TPST1: variants seen among roughly 807,000 people sequenced by gnomAD.
TPST1 encodes protein-tyrosine sulfotransferase 1.
Under a neutral mutation model 34.8 loss-of-function variants are expected in TPST1, and 20 were observed. The observed-to-expected ratio is 0.57, with a 90% CI of 0.40 to 0.84. TPST1 has a LOEUF of 0.84. Among genes scored for constraint, TPST1 ranks in the 40% least tolerant of loss-of-function variants. TPST1 has a pLI of 0.00. For synonymous variants in TPST1, 152 were observed against 159.4 expected, an observed-to-expected ratio of 0.95 and a Z score of 0.35; for missense variants, 353 against 455.5, an observed-to-expected ratio of 0.78 and a Z score of 2.05.
At chr7:66,255,670 AAAACTATTTTCACAATGGTACT>A (rs1365163384) in intron 2 of TPST1, among the ~76,000 whole-genome samples, 1 of 152,256 alleles carries the variant, frequency 6.6e-6, no homozygotes, top group Non-Finnish European at 1.5e-5. Flanking sequence ...CTCCAAGGCT[AAAACTATTTTCACAATGGTACT>A]AAGATGTTAT....
chr7:66,320,245 C>CTTTTTTTTTTTTTTTT (rs569746911), intron 3 of TPST1, among the ~76,000 whole-genome samples: 6 of 126,388 alleles, frequency 4.7e-5, no homozygotes, highest in East Asian at 2.3e-4. Flanking sequence ...TTTTCTTTTT[C>CTTTTTTTTTTTTTTTT]TTTTTTTTTT....
At chr7:66,265,047 G>A (rs1210439642) in intron 2 of TPST1, among the ~76,000 whole-genome samples, 1 of 152,058 alleles carries the variant, frequency 6.6e-6, no homozygotes, top group East Asian at 1.9e-4. Flanking sequence ...TTGCTTCTAG[G>A]GCCCATCAGG....
intron 3 of TPST1, among the ~76,000 whole-genome samples, chr7:66,303,766 A>G (rs967148189): frequency 1.3e-5 from 2 of 152,238 alleles, no homozygotes; most frequent in African/African-American, 4.8e-5. Context: ...GGACAAAGAT[A>G]TCATTTGCAT....
chr7:66,350,100 G>A (rs559234288), intron 3 of TPST1, among the ~76,000 whole-genome samples: 4 of 152,184 alleles, frequency 2.6e-5, no homozygotes, highest in Admixed American at 6.5e-5. Flanking sequence ...TGCAGCCTCC[G>A]CCTCCCAGGT....
intron 3 of TPST1, among the ~76,000 whole-genome samples, chr7:66,336,453 A>G (rs1792123808): frequency 6.6e-6 from 1 of 152,198 alleles, no homozygotes; most frequent in Admixed American, 6.5e-5. Flanking sequence ...TCTATAAACA[A>G]TACAGTAACT....
At chr7:66,280,060 G>A (rs1305485923) in intron 2 of TPST1, among the ~76,000 whole-genome samples, 1 of 152,232 alleles carries the variant, frequency 6.6e-6, no homozygotes, top group Non-Finnish European at 1.5e-5. Context: ...TCCTGGGGGT[G>A]TGGTGGCCCA....
At chr7:66,313,241 C>CCA in intron 3 of TPST1, among the ~76,000 whole-genome samples, 1 of 152,016 alleles carries the variant, frequency 6.6e-6, no homozygotes, top group Non-Finnish European at 1.5e-5. Context: ...TGGTGAAACC[C>CCA]TGAATCTACT....
At chr7:66,237,874 C>T (rs981416367) in intron 1 of TPST1, among the ~76,000 whole-genome samples, 5 of 152,090 alleles carry the variant, frequency 3.3e-5, no homozygotes, top group Non-Finnish European at 7.4e-5. Flanking sequence ...GGTCGGGTTG[C>T]TGTTTCTTGT....
intron 1 of TPST1, among the ~76,000 whole-genome samples, chr7:66,234,105 G>A (rs1403674562): frequency 6.6e-6 from 1 of 151,814 alleles, no homozygotes; most frequent in Non-Finnish European, 1.5e-5. Flanking sequence ...TGATCCACCC[G>A]CCTTGACCTC....
chr7:66,199,040 C>T, the TPST1 span, among the ~76,000 whole-genome samples: 2 of 152,190 alleles, frequency 1.3e-5, no homozygotes, highest in East Asian at 1.9e-4. Flanking sequence ...CTCAGTTCTC[C>T]GTCAAAGATC....
intron 1 of TPST1, among the ~76,000 whole-genome samples, chr7:66,211,366 G>A (rs1230426579): frequency 1.3e-5 from 2 of 152,046 alleles, no homozygotes; most frequent in East Asian, 3.9e-4. Flanking sequence ...CCTGACCTCA[G>A]GTGATCTGCC....
chr7:66,255,493 G>C (rs560582137), intron 2 of TPST1, among the ~76,000 whole-genome samples: 4 of 152,294 alleles, frequency 2.6e-5, no homozygotes, highest in Middle Eastern at 6.8e-3. Flanking sequence ...TTGTAGGCCA[G>C]TATTTAACTC....
chr7:66,277,663 C>T (rs1225766263), intron 2 of TPST1, among the ~76,000 whole-genome samples: 1 of 152,104 alleles, frequency 6.6e-6, no homozygotes, highest in Non-Finnish European at 1.5e-5. Context: ...ATAGGAAAAA[C>T]TATTCTGTGA....
At chr7:66,263,868 T>A (rs1483961941) in intron 2 of TPST1, among the ~76,000 whole-genome samples, 1 of 152,066 alleles carries the variant, frequency 6.6e-6, no homozygotes, top group East Asian at 1.9e-4. Context: ...CAGAATCAAC[T>A]TTTTCAGAAC....
chr7:66,357,879 T>A (rs778450829), intron 5 of TPST1, among the ~76,000 whole-genome samples: 2 of 151,808 alleles, frequency 1.3e-5, no homozygotes, highest in Admixed American at 6.6e-5. Context: ...AGGTCAGGAG[T>A]TCGAGACCAG....
At chr7:66,262,880 C>G (rs1790515345) in intron 2 of TPST1, among the ~76,000 whole-genome samples, 2 of 151,996 alleles carry the variant, frequency 1.3e-5, no homozygotes. Flanking sequence ...GGCAGATCAC[C>G]TGAGGTCAGG....
Position 66,286,605 on chromosome 7 carries a change from A to G in TPST1, c.940A>G (p.Met314Val). The G allele has an allele frequency of 1.9e-6, 3 of 1,610,502 alleles. No homozygotes were observed. Among genetic ancestry groups the G allele is most frequent in the Non-Finnish European group, 2.5e-6 (3 of 1,177,792 alleles). ...GATACCGCCAGATGTTTTACAAGACATGGCAGTGATTGCTCCTATGCTTGC... is the reference window on the plus strand; with the variant it reads ...GATACCGCCAGATGTTTTACAAGACGTGGCAGTGATTGCTCCTATGCTTGC... The part of the protein sequence containing the change: ...GKIPPDVLQD[M>V]AVIAPMLAKL... The change falls in exon 3 of 6, where the codon ATG becomes GTG. Residue 314 changes from methionine (M) to valine (V), a missense_variant. By Grantham distance (21) the Met-to-Val change is conservative (BLOSUM62 1). Transcript: ENST00000304842.
intron 5 of TPST1, among the ~76,000 whole-genome samples, chr7:66,358,084 C>CA (rs978615275): frequency 9.1e-4 from 123 of 134,536 alleles, no homozygotes; most frequent in Middle Eastern, 8.0e-3. Context: ...GACTTCGTCT[C>CA]AAAAAAAAAA....
chr7:66,260,767 T>C (rs934289478), intron 2 of TPST1, among the ~76,000 whole-genome samples: 1 of 152,202 alleles, frequency 6.6e-6, no homozygotes, highest in Admixed American at 6.5e-5. Flanking sequence ...TTTTATGATT[T>C]GTTAGGTGAG....
Sources: allele counts gnomAD v4.1 joint callset (sites outside exome capture counted in the v4.1 genomes callset), GRCh38; gene constraint gnomAD v4.1.1; transcripts MANE v1.5; gene names NCBI Gene and HGNC (gene_info 2026-07-23, HGNC 2026-07-21).